ADAMTS3: variants seen among roughly 807,000 people sequenced by gnomAD.
ADAMTS3 encodes ADAM metallopeptidase with thrombospondin type 1 motif 3.
In ADAMTS3, 73 loss-of-function variants were observed where a neutral mutation model predicts 129.0. The observed-to-expected ratio is 0.57, with a 90% CI of 0.47 to 0.69. The LOEUF (loss-of-function observed/expected upper bound fraction) is 0.69, where lower values mean the gene tolerates loss of function less well. Among genes scored for constraint, ADAMTS3 ranks in the 30% least tolerant of loss-of-function variants. The pLI, the probability that ADAMTS3 is intolerant of heterozygous loss-of-function variation, is 0.00. For synonymous variants in ADAMTS3, 477 were observed against 510.8 expected (o/e 0.93, Z 0.89); for missense variants, 1,457 against 1,514.5 (o/e 0.96, Z 0.63).
intron 3 of ADAMTS3, among the ~76,000 whole-genome samples, chr4:72,546,870 T>C (rs906016369): frequency 6.6e-6 from 1 of 152,114 alleles, no homozygotes; most frequent in African/African-American, 2.4e-5. Context: ...TGCCTGCCAT[T>C]GTCATGACTC....
chr4:72,371,083 A>G (rs1222797148), intron 4 of ADAMTS3, among the ~76,000 whole-genome samples: 1 of 152,098 alleles, frequency 6.6e-6, no homozygotes, highest in Non-Finnish European at 1.5e-5. Context: ...AACACCAAGG[A>G]TTACAGGCAA....
intron 17 of ADAMTS3, among the ~76,000 whole-genome samples, chr4:72,298,778 T>C (rs1282502705): frequency 1.3e-5 from 2 of 151,686 alleles, no homozygotes; most frequent in Admixed American, 6.6e-5. Flanking sequence ...CTTTTAAGTG[T>C]AAAGAATTAT....
intron 3 of ADAMTS3, among the ~76,000 whole-genome samples, chr4:72,520,629 G>A (rs1300908381): frequency 3.3e-5 from 5 of 152,194 alleles, no homozygotes; most frequent in Admixed American, 2.6e-4. Context: ...CTCCGTGGGC[G>A]TAGGACCCTC....
intron 8 of ADAMTS3, 140 bp from the exon 9 acceptor site, chr4:72,319,615 G>T: frequency 9.5e-7 from 1 of 1,050,982 alleles, no homozygotes; most frequent in Non-Finnish European, 1.4e-6. Context: ...AACGGAAATT[G>T]ACAGCAATCT....
intron 3 of ADAMTS3, among the ~76,000 whole-genome samples, chr4:72,495,914 A>G (rs1719862875): frequency 6.6e-6 from 1 of 152,192 alleles, no homozygotes; most frequent in Non-Finnish European, 1.5e-5. Flanking sequence ...ATACAGCACT[A>G]TTTCTGGTCT....
At chr4:72,529,427 T>C (rs190084983) in intron 3 of ADAMTS3, among the ~76,000 whole-genome samples, 1 of 151,882 alleles carries the variant, frequency 6.6e-6, no homozygotes, top group African/African-American at 2.4e-5. Flanking sequence ...TTCTGATGCC[T>C]ACTAAGATCA....
intron 3 of ADAMTS3, among the ~76,000 whole-genome samples, chr4:72,482,345 T>C (rs1412331024): frequency 1.3e-5 from 2 of 151,970 alleles, no homozygotes; most frequent in Non-Finnish European, 2.9e-5. Flanking sequence ...GAACAAACTA[T>C]TGATGCATAC....
intron 4 of ADAMTS3, among the ~76,000 whole-genome samples, chr4:72,371,894 T>C (rs1421180165): frequency 2.4e-5 from 3 of 122,688 alleles, no homozygotes; most frequent in South Asian, 2.7e-4. Context: ...AAGCAAGTCA[T>C]ACAAATTTCA....
intron 17 of ADAMTS3, among the ~76,000 whole-genome samples, chr4:72,301,973 G>A (rs564161459): frequency 6.6e-6 from 1 of 151,996 alleles, no homozygotes; most frequent in Non-Finnish European, 1.5e-5. Context: ...TGCTGGGGGT[G>A]GGACAGTGAT....
At chr4:72,498,481 T>C (rs1048699065) in intron 3 of ADAMTS3, among the ~76,000 whole-genome samples, 1 of 151,924 alleles carries the variant, frequency 6.6e-6, no homozygotes, top group African/African-American at 2.4e-5. Context: ...TGAATGAGAA[T>C]ACAACTTTCA....
chr4:72,463,296 T>C lies in ADAMTS3; in HGVS notation c.505-48325A>G, dbSNP rs143881361. Among the ~76,000 whole-genome samples, 1,117 of 152,100 alleles carry C rather than the reference T, an allele frequency of 7.3e-3. 10 individuals carry two copies. Among genetic ancestry groups the C allele is most frequent in the South Asian group, 0.013 (62 of 4,826 alleles). On this transcript the variant is annotated intron_variant, in intron 3 of 21. Transcript: ENST00000286657. ...CAATGTGAAATCACCTAACAACACA[T>C]TTCTCAGAATATATCCTCCACATTA...
Position 72,320,044 on chromosome 4 carries a change from G to A in ADAMTS3, c.1103-81C>T, listed in dbSNP as rs113510335. ...TTACAACTGGACTTTTGCCTAGGGG[G>A]AAAAAAGTAAAAGCCTTTCAGGAAA... On this transcript the variant is annotated intron_variant, in intron 7 of 21. Coordinates refer to ENST00000286657, the MANE Select transcript of ADAMTS3 (RefSeq NM_014243.3). 4.3e-6 allele frequency: 5 copies of A among 1,164,650 alleles called. No individual in the cohort carries two copies. The East Asian group carries it at 1.0e-4, about 23-fold the overall frequency. 72.1% of individuals were successfully genotyped at this position (1,164,650 alleles called of 1,614,324 possible). A position where few individuals can be genotyped will look rare whatever the true frequency, so the allele number is the denominator to read the frequency against.
At chr4:72,472,013 A>G (rs1488655735) in intron 3 of ADAMTS3, among the ~76,000 whole-genome samples, 1 of 152,128 alleles carries the variant, frequency 6.6e-6, no homozygotes, top group African/African-American at 2.4e-5. Context: ...CAGGAATGTC[A>G]GGAACTATGG....
At chr4:72,528,140 C>A (rs1720862813) in intron 3 of ADAMTS3, among the ~76,000 whole-genome samples, 1 of 152,044 alleles carries the variant, frequency 6.6e-6, no homozygotes, top group South Asian at 2.1e-4. Flanking sequence ...TCAGTACATA[C>A]ACATATTTTG....
chr4:72,432,890 GA>G (rs1324556774), intron 3 of ADAMTS3, among the ~76,000 whole-genome samples: 2 of 151,522 alleles, frequency 1.3e-5, no homozygotes, highest in Non-Finnish European at 2.9e-5. Flanking sequence ...ATATTTTCAA[GA>G]AAAAAAGTAA....
chr4:72,380,850 G>A (rs548860908), intron 4 of ADAMTS3, among the ~76,000 whole-genome samples: 1 of 152,244 alleles, frequency 6.6e-6, no homozygotes, highest in African/African-American at 2.4e-5. Flanking sequence ...TCTTAGTAAA[G>A]TGCTTAAGGA....
chr4:72,529,203 G>C (rs1720893404), intron 3 of ADAMTS3, among the ~76,000 whole-genome samples: 1 of 152,194 alleles, frequency 6.6e-6, no homozygotes, highest in Admixed American at 6.5e-5. Flanking sequence ...AAAAAGGCCA[G>C]AATGGCCGAA....
At chr4:72,400,247 GGT>G (rs564681632) in intron 4 of ADAMTS3, among the ~76,000 whole-genome samples, 42 of 137,580 alleles carry the variant, frequency 3.1e-4, no homozygotes, top group Non-Finnish European at 5.6e-4. Context: ...ATGCACACAT[GGT>G]GTGTATATAC....
intron 4 of ADAMTS3, among the ~76,000 whole-genome samples, chr4:72,393,216 G>A (rs922494851): frequency 2.0e-5 from 3 of 152,044 alleles, no homozygotes; most frequent in Non-Finnish European, 2.9e-5. Flanking sequence ...GAGCCACCGC[G>A]CCTGGCCTCC....
Sources: gnomAD v4.1 joint callset for allele counts (sites outside exome capture counted in the v4.1 genomes callset) on GRCh38, gnomAD v4.1.1 for gene constraint, MANE v1.5 for transcripts, NCBI Gene and HGNC (gene_info 2026-07-23, HGNC 2026-07-21) for gene names.